The following TRIO variants were observed in gnomAD, a reference collection of about 807,000 sequenced individuals.
TRIO encodes the protein trio Rho guanine nucleotide exchange factor, also known as triple functional domain protein.
Under a neutral mutation model 351.9 loss-of-function variants are expected in TRIO, and 58 were observed. The ratio of observed to expected loss-of-function variants is 0.16; its 90% CI spans 0.13 to 0.21. The LOEUF is 0.21. TRIO is among the 10% of genes least tolerant of loss of function. TRIO has a pLI of 1.00. For missense variants in TRIO, 3,201 were observed against 4,027.8 expected (o/e 0.79, Z 5.56); for synonymous variants, 1,758 against 1,595.7 (o/e 1.10, Z -2.42).
chr5:14,419,655 C>T lies in TRIO; in HGVS notation c.4960-123C>T, dbSNP rs905764320. On this transcript the variant is annotated intron_variant, in intron 33 of 56. Transcript: ENST00000344204. ...GGAGAGTGCAGTGATCACACAACCT[C>T]GGAGCACTCAGCTCACTCCGGGGCA... is the stretch of plus-strand genomic sequence containing the variant. 9 of 1,355,004 alleles carry T rather than the reference C, an allele frequency of 6.6e-6. No individual in the cohort carries two copies. In the East Asian group the frequency reaches 7.1e-5, roughly 11 times the overall value. The allele number at this position is 1,355,004 out of a possible 1,614,324, so 83.9% of individuals were successfully genotyped here.
At chr5:14,268,270 C>T (rs1795800726) in intron 1 of TRIO, among the ~76,000 whole-genome samples, 1 of 152,204 alleles carries the variant, frequency 6.6e-6, no homozygotes, top group Non-Finnish European at 1.5e-5. Context: ...TGTGAGATGG[C>T]CTGGAATATG....
intron 9 of TRIO, among the ~76,000 whole-genome samples, chr5:14,320,627 C>T (rs933526363): frequency 6.6e-6 from 1 of 152,246 alleles, no homozygotes; most frequent in African/African-American, 2.4e-5. Flanking sequence ...AAACCTAGTC[C>T]ACTCTAAATT....
At chr5:14,354,729 G>A (rs1743460701) in intron 11 of TRIO, among the ~76,000 whole-genome samples, 1 of 152,158 alleles carries the variant, frequency 6.6e-6, no homozygotes, top group Admixed American at 6.5e-5. Context: ...TCTTGGCAGT[G>A]GGACAGAGTA....
rs1457811241 is a variant in TRIO at position 14,406,763 on chromosome 5, C to A, written c.4959+91C>A. ...CTCCTTTCTGTTACTCACAGTTTGT[C>A]ATCAACATTTTCAAGCAGTTGATAC... is the stretch of plus-strand genomic sequence containing the variant. On this transcript the variant is annotated intron_variant, in intron 33 of 56. Coordinates refer to ENST00000344204, the MANE Select transcript of TRIO (RefSeq NM_007118.4). 3 of 1,333,590 alleles carry A rather than the reference C, an allele frequency of 2.2e-6. No homozygotes were observed. The African/African-American group carries it at 4.3e-5, about 19-fold the overall frequency. The allele number at this position is 1,333,590 out of a possible 1,614,324, so 82.6% of individuals were successfully genotyped here. A position where few individuals can be genotyped will look rare whatever the true frequency, so the allele number is the denominator to read the frequency against.
chr5:14,456,678 G>T (rs763116253), intron 34 of TRIO, among the ~76,000 whole-genome samples: 1 of 152,164 alleles, frequency 6.6e-6, no homozygotes, highest in Non-Finnish European at 1.5e-5. Flanking sequence ...ATCTTCCCAT[G>T]GAGACTTCAG....
chr5:14,488,865 C>A (rs569044145), intron 48 of TRIO: 19 of 718,648 alleles, frequency 2.6e-5, no homozygotes, highest in Admixed American at 1.3e-4. Context: ...GGGCACCTGG[C>A]GAGGCGGCTC....
Position 14,390,316 on chromosome 5 carries a change from C to A in TRIO, c.4128+16C>A. On this transcript the variant is annotated intron_variant, in intron 26 of 56. Coordinates refer to ENST00000344204, the MANE Select transcript of TRIO (RefSeq NM_007118.4). The stretch of plus-strand genomic sequence containing the variant: ...TGTTACTTGGGTAATGAAACCTCAA[C>A]CATTTGTTCTCTCCCAGCTATTAGG... 6.2e-7 allele frequency: 1 copy of A among 1,612,648 alleles called. No homozygotes were observed. The highest frequency in any genetic ancestry group is 8.5e-7 in the Non-Finnish European group (1 of 1,179,198).
At chr5:14,343,148 GC>G (rs1207311575) in intron 11 of TRIO, among the ~76,000 whole-genome samples, 1 of 148,814 alleles carries the variant, frequency 6.7e-6, no homozygotes, top group Non-Finnish European at 1.5e-5. Flanking sequence ...TCTTCACCAA[GC>G]CTCCCACAGC....
chr5:14,189,648 T>C (rs914632218), intron 1 of TRIO, among the ~76,000 whole-genome samples: 5 of 152,186 alleles, frequency 3.3e-5, no homozygotes, highest in African/African-American at 1.2e-4. Flanking sequence ...TTTCTGCCAG[T>C]CTAAGCCTTA....
rs780268669 is a variant in TRIO, at chr5:14,366,876, G to A, written c.2771G>A (p.Arg924His). Residue 924 changes from arginine (R) to histidine (H), a missense_variant, in exon 16 of 57, where the codon CGC becomes CAC. Transcript: ENST00000344204. ...AEVKQVLGWI[R>H]NGESMLNAGL... is the part of the protein sequence containing the mutation. ...ATGTTTCAGGTGCTGGGTTGGATCCGCAACGGAGAGTCCATGTTAAATGCC... is the reference window on the plus strand; with the variant it reads ...ATGTTTCAGGTGCTGGGTTGGATCCACAACGGAGAGTCCATGTTAAATGCC... The A allele has an allele frequency of 1.9e-6, 3 of 1,614,148 alleles. No individual in the cohort carries two copies. The highest frequency in any genetic ancestry group is 1.3e-5 in the African/African-American group (1 of 75,040).
chr5:14,418,459 C>T (rs745508806), intron 33 of TRIO, among the ~76,000 whole-genome samples: 20 of 152,138 alleles, frequency 1.3e-4, no homozygotes, highest in Non-Finnish European at 2.6e-4. Context: ...CGGAGAGCCG[C>T]GCAACATCTG....
rs142735900 is a variant in TRIO, at chr5:14,410,340, A to G, written c.4959+3668A>G. Among the ~76,000 whole-genome samples, 742 of 152,328 alleles carry G rather than the reference A, an allele frequency of 4.9e-3. 4 individuals carry two copies. The highest frequency in any genetic ancestry group is 9.6e-3 in the Admixed American group (147 of 15,310). ...GCCATCTCCCTCCTTATGCCTCTCC[A>G]GTAGAACAGTTGAGGGTCATTAGAT... On this transcript the variant is annotated intron_variant, in intron 33 of 56. Transcript: ENST00000344204.
chr5:14,234,172 G>A (rs568421695), intron 1 of TRIO, among the ~76,000 whole-genome samples: 2 of 152,202 alleles, frequency 1.3e-5, no homozygotes, highest in Non-Finnish European at 2.9e-5. Flanking sequence ...TGAGGTTCCT[G>A]TACAAAGACG....
At chr5:14,317,879 C>T (rs1739506932) in intron 9 of TRIO, among the ~76,000 whole-genome samples, 1 of 152,066 alleles carries the variant, frequency 6.6e-6, no homozygotes, top group African/African-American at 2.4e-5. Context: ...GTAATCCCAG[C>T]ACTTTAGGAG....
intron 1 of TRIO, among the ~76,000 whole-genome samples, chr5:14,161,396 A>C (rs1210858702): frequency 7.9e-5 from 12 of 152,100 alleles, no homozygotes; most frequent in Non-Finnish European, 1.5e-5. Flanking sequence ...TCCTTTGGAA[A>C]ACTGCACTTG....
intron 33 of TRIO, among the ~76,000 whole-genome samples, chr5:14,407,844 T>G (rs1345992315): frequency 1.3e-5 from 2 of 152,232 alleles, no homozygotes; most frequent in Non-Finnish European, 2.9e-5. Flanking sequence ...TGGGGAACAT[T>G]GATCTTAATG....
intron 1 of TRIO, among the ~76,000 whole-genome samples, chr5:14,270,032 A>G (rs2152269101): frequency 6.6e-6 from 1 of 152,348 alleles, no homozygotes; most frequent in Middle Eastern, 3.4e-3. Flanking sequence ...CCAAATTCCC[A>G]CGTAGGCATT....
intron 2 of TRIO, among the ~76,000 whole-genome samples, chr5:14,271,767 TC>T (rs1795988762): frequency 6.6e-6 from 1 of 152,270 alleles, no homozygotes; most frequent in East Asian, 1.9e-4. Context: ...GATCTGTGTA[TC>T]CTCTTGAACA....
intron 1 of TRIO, among the ~76,000 whole-genome samples, chr5:14,182,130 A>G (rs551746839): frequency 2.0e-4 from 30 of 151,774 alleles, no homozygotes; most frequent in Middle Eastern, 3.4e-3. Flanking sequence ...CCAACACAGT[A>G]ATGACGTCTC....
Sources: allele counts gnomAD v4.1 joint callset (sites outside exome capture counted in the v4.1 genomes callset), GRCh38; gene constraint gnomAD v4.1.1; transcripts MANE v1.5; gene names NCBI Gene and HGNC (gene_info 2026-07-23, HGNC 2026-07-21).